Variants in FRK observed in about 807,000 individuals in gnomAD.
FRK encodes the protein tyrosine-protein kinase FRK.
Under a neutral mutation model 56.4 loss-of-function variants are expected in FRK, and 51 were observed. That is an observed-to-expected ratio of 0.90 (90% confidence interval 0.72 to 1.14). FRK has a LOEUF of 1.14. Among genes scored for constraint, FRK ranks in the 50% most tolerant of loss-of-function variants. FRK has a pLI of 0.00. For missense variants in FRK, 570 were observed against 601.4 expected (o/e 0.95, Z 0.55); for synonymous variants, 245 against 217.9 (o/e 1.12, Z -1.10).
rs1218413483 is a variant in FRK, at chr6:115,940,377, T to A, written c.*2037A>T. On this transcript the variant is annotated 3_prime_UTR_variant, in exon 8 of 8. Coordinates refer to ENST00000606080, the MANE Select transcript of FRK (RefSeq NM_002031.3). The stretch of plus-strand genomic sequence containing the variant: ...GTAAGACCTAAAACCATAAAAACCC[T>A]AGAAGAAAACCTAGGCAACACCATT... 1 of 152,120 alleles carries A rather than the reference T, an allele frequency of 6.6e-6. No homozygotes were observed. Among genetic ancestry groups the A allele is most frequent in the Non-Finnish European group, 1.5e-5 (1 of 68,026 alleles). The allele number at this position is 152,120 out of a possible 1,614,324, so 9.4% of individuals were successfully genotyped here. A position where few individuals can be genotyped will look rare whatever the true frequency, so the allele number is the denominator to read the frequency against.
At chr6:116,100,401 T>C in the FRK span, among the ~76,000 whole-genome samples, 1 of 152,218 alleles carries the variant, frequency 6.6e-6, no homozygotes, top group Non-Finnish European at 1.5e-5. Flanking sequence ...CCTTCCAAAT[T>C]GTAGGCTAAC....
In FRK at chr6:116,052,074, T is replaced by C. The variant is rs535299098; in HGVS notation, c.344+7894A>G. Among the ~76,000 whole-genome samples the C allele has an allele frequency of 2.1e-3, 318 of 152,294 alleles. 5 individuals carry two copies. Among genetic ancestry groups the C allele is most frequent in the African/African-American group, 7.3e-3 (303 of 41,576 alleles). ...AATATAACCATAGTATGGTTTAATA[T>C]GTGTATATGTGATTTTTAGACGCCA... On this transcript the variant is annotated intron_variant, in intron 1 of 7. Transcript: ENST00000606080.
intron 1 of FRK, among the ~76,000 whole-genome samples, chr6:116,030,110 G>A (rs1776245584): frequency 6.6e-6 from 1 of 152,102 alleles, no homozygotes; most frequent in South Asian, 2.1e-4. Context: ...GTGGTACAGA[G>A]TTGGTATCTG....
At chr6:116,075,078 C>T in the FRK span, among the ~76,000 whole-genome samples, 1 of 152,092 alleles carries the variant, frequency 6.6e-6, no homozygotes, top group Non-Finnish European at 1.5e-5. Flanking sequence ...ACCAAGGCCC[C>T]TCTGATTCTC....
the FRK span, among the ~76,000 whole-genome samples, chr6:116,085,067 G>A: frequency 6.6e-6 from 1 of 152,166 alleles, no homozygotes; most frequent in Non-Finnish European, 1.5e-5. Flanking sequence ...TATGAAGGAT[G>A]TGTGAAAGCG....
chr6:115,972,926 G>A (rs942172713), intron 2 of FRK, among the ~76,000 whole-genome samples: 31 of 152,186 alleles, frequency 2.0e-4, no homozygotes, highest in African/African-American at 7.2e-4. Context: ...ATTTCACACA[G>A]CAGATCTAAA....
upstream of FRK, among the ~76,000 whole-genome samples, chr6:116,065,354 A>T (rs1008621828): frequency 6.6e-6 from 1 of 152,212 alleles, no homozygotes; most frequent in African/African-American, 2.4e-5. Flanking sequence ...ACACATAGAA[A>T]AGAGGATTAT....
intron 2 of FRK, among the ~76,000 whole-genome samples, chr6:116,000,692 T>G (rs947320282): frequency 3.9e-5 from 6 of 152,194 alleles, no homozygotes; most frequent in Non-Finnish European, 8.8e-5. Flanking sequence ...ATAACTCTTC[T>G]TATTAAGCAT....
chr6:116,047,859 C>G (rs191510324), intron 1 of FRK, among the ~76,000 whole-genome samples: 3 of 152,314 alleles, frequency 2.0e-5, no homozygotes, highest in South Asian at 2.1e-4. Flanking sequence ...CCACTTTTGT[C>G]ACATTTGCAA....
At chr6:116,073,620 GT>G in the FRK span, among the ~76,000 whole-genome samples, 2 of 152,174 alleles carry the variant, frequency 1.3e-5, no homozygotes, top group Non-Finnish European at 2.9e-5. Context: ...GAAGCAGCAG[GT>G]AAGTGATCGC....
intron 2 of FRK, among the ~76,000 whole-genome samples, chr6:115,977,530 T>G (rs1467542236): frequency 1.3e-5 from 2 of 152,170 alleles, no homozygotes; most frequent in Non-Finnish European, 2.9e-5. Context: ...ATTAAGGAAG[T>G]GTCTATATTA....
rs750980190 is a variant in FRK at position 116,060,317 on chromosome 6, C to T, written c.-6G>A. 6 of 1,609,094 alleles carry T rather than the reference C, an allele frequency of 3.7e-6. No individual in the cohort carries two copies. Among genetic ancestry groups the T allele is most frequent in the Non-Finnish European group, 5.1e-6 (6 of 1,177,056 alleles). On this transcript the variant is annotated 5_prime_UTR_variant, in exon 1 of 8. Transcript: ENST00000606080. ...CTCTGACAGATGTTGCTCATTGTGC[C>T]TTGGTGGGGAGAAGAGGAGCAGGGC... is the stretch of plus-strand genomic sequence containing the variant.
intron 1 of FRK, among the ~76,000 whole-genome samples, chr6:116,032,296 CATT>C (rs1298734004): frequency 1.1e-4 from 17 of 151,866 alleles, no homozygotes; most frequent in Non-Finnish European, 2.5e-4. Context: ...AACTGAAAAA[CATT>C]ATCTGCAACA....
At position 115,956,493 on chromosome 6, in the gene FRK, G is replaced by T. The variant is rs755204307; in HGVS notation, c.917C>A (p.Thr306Lys). 5 of 1,576,730 alleles carry T rather than the reference G, an allele frequency of 3.2e-6. No individual in the cohort carries two copies. The highest frequency in any genetic ancestry group is 4.3e-6 in the Non-Finnish European group (5 of 1,161,614). Residue 306 changes from threonine (T) to lysine (K), a missense_variant, in exon 5 of 8, where the codon ACA becomes AAA. Physicochemically the swap from Thr to Lys is moderately conservative, Grantham distance 78. Transcript: ENST00000606080. Reference protein sequence around the residue: ...CTLEDPIYIITELMRHGSLQE... With the variant: ...CTLEDPIYIIKELMRHGSLQE... The stretch of plus-strand genomic sequence containing the variant: ...CAGACTTCCATGTCTCATCAACTCT[G>T]TAATAATATAAATTGGATCTTCTAA...
chr6:116,024,232 T>C (rs1282861053), intron 1 of FRK, among the ~76,000 whole-genome samples: 1 of 152,132 alleles, frequency 6.6e-6, no homozygotes, highest in African/African-American at 2.4e-5. Context: ...TTTATTTATT[T>C]ATTTACTTAT....
chr6:115,999,178 C>T (rs1473374227), intron 2 of FRK, among the ~76,000 whole-genome samples: 1 of 152,050 alleles, frequency 6.6e-6, no homozygotes, highest in Non-Finnish European at 1.5e-5. Context: ...AATAGCCAAA[C>T]CAGTTGACAT....
chr6:116,048,763 T>C (rs1308632188), intron 1 of FRK, among the ~76,000 whole-genome samples: 1 of 152,186 alleles, frequency 6.6e-6, no homozygotes, highest in African/African-American at 2.4e-5. Flanking sequence ...ACTTCTACCA[T>C]TTACCAAATA....
intron 4 of FRK, 122 bp downstream of exon 4, chr6:115,967,429 C>A (rs1290681290): frequency 1.1e-6 from 1 of 894,028 alleles, no homozygotes. Flanking sequence ...GGGCTAGAGA[C>A]AATGACCACA....
At chr6:116,078,545 C>T in the FRK span, among the ~76,000 whole-genome samples, 1 of 152,192 alleles carries the variant, frequency 6.6e-6, no homozygotes, top group Non-Finnish European at 1.5e-5. Flanking sequence ...ATTCTCAAAA[C>T]ACCCCATGTG....
Sources: allele counts gnomAD v4.1 joint callset (sites outside exome capture counted in the v4.1 genomes callset), GRCh38; gene constraint gnomAD v4.1.1; transcripts MANE v1.5; gene names NCBI Gene and HGNC (gene_info 2026-07-23, HGNC 2026-07-21).